KDM1A: variants seen among roughly 807,000 people sequenced by gnomAD.
The protein encoded by KDM1A is lysine-specific histone demethylase 1A.
Under a neutral mutation model 109.4 loss-of-function variants are expected in KDM1A, and 49 were observed. The ratio of observed to expected loss-of-function variants is 0.45; its 90% CI spans 0.36 to 0.57. The LOEUF is 0.57. Among genes scored for constraint, KDM1A ranks in the 20% least tolerant of loss-of-function variants. The probability of loss-of-function intolerance (pLI) is 0.00; values close to 1 mark genes in which losing one functional copy is unlikely to be tolerated. For missense variants in KDM1A, 668 were observed against 1,116.6 expected, an observed-to-expected ratio of 0.60 and a Z score of 5.73; for synonymous variants, 380 against 415.4, an observed-to-expected ratio of 0.91 and a Z score of 1.04.
At chr1:23,049,874 C>T (rs915875180) in intron 3 of KDM1A, among the ~76,000 whole-genome samples, 3 of 152,144 alleles carry the variant, frequency 2.0e-5, no homozygotes, top group Non-Finnish European at 4.4e-5. Context: ...TAATTTCTCT[C>T]ACTGCTTGCC....
chr1:23,068,887 G>T (rs1244681718), intron 11 of KDM1A, among the ~76,000 whole-genome samples, 174 bp from the exon 12 acceptor site: 1 of 152,048 alleles, frequency 6.6e-6, no homozygotes, highest in Non-Finnish European at 1.5e-5. Context: ...TGCTTTTATG[G>T]TATTATACTA....
In KDM1A at chr1:23,079,471, T is replaced by G. The variant is rs887083016; in HGVS notation, c.2056-82T>G. The G allele has an allele frequency of 3.9e-6, 4 of 1,013,022 alleles. No individual in the cohort carries two copies. The highest frequency in any genetic ancestry group is 3.0e-5 in the South Asian group (2 of 67,352). The allele number at this position is 1,013,022 out of a possible 1,614,324, so 62.8% of individuals were successfully genotyped here. A position where few individuals can be genotyped will look rare whatever the true frequency, so the allele number is the denominator to read the frequency against. On this transcript the variant is annotated intron_variant, in intron 17 of 20. Transcript: ENST00000400181. This position sits in a 1 kb window ranked among gnomAD's most constrained non-coding sequence, Gnocchi z 5.6. ...TGCTGGGCTTATTTTGAAAGCAGAT[T>G]AGAAGAGACTTTAAGGAAGTCTGTT...
rs572812747 is a variant in KDM1A, at chr1:23,022,340, T to C, written c.351+2393T>C. Among the ~76,000 whole-genome samples the C allele has an allele frequency of 5.9e-5, 9 of 151,902 alleles. No homozygotes were observed. In the East Asian group the frequency reaches 1.7e-3, roughly 29 times the overall value. The stretch of plus-strand genomic sequence containing the variant: ...TTCTTCTTCGTTTTTTTTTTTTTGT[T>C]GTTGTTGTTTTTGAGATGGGGTTTC... On this transcript the variant is annotated intron_variant, in intron 1 of 20. Coordinates refer to ENST00000400181, the MANE Select transcript of KDM1A (RefSeq NM_001009999.3).
chr1:23,019,662 G>C lies in KDM1A; in HGVS notation c.66G>C (p.Glu22Asp). ...CTGCAGCGGCAGCAACCGGGACGGA[G>C]GCTGGCCCTGGGACAGCAGGCGGCT... ...AAAAAAATGT[E>D]AGPGTAGGSE... Residue 22 changes from glutamate (E) to aspartate (D), a missense_variant, in exon 1 of 21, where the codon GAG becomes GAC. By Grantham distance (45) the Glu-to-Asp change is conservative (BLOSUM62 2). Transcript: ENST00000400181. The C allele has an allele frequency of 7.2e-7, 1 of 1,397,610 alleles. No individual in the cohort carries two copies. The highest frequency in any genetic ancestry group is 9.2e-7 in the Non-Finnish European group (1 of 1,082,736). 86.6% of individuals were successfully genotyped at this position (1,397,610 alleles called of 1,614,324 possible).
At chr1:23,065,123 T>C (rs1418386163) in intron 9 of KDM1A, among the ~76,000 whole-genome samples, 1 of 152,218 alleles carries the variant, frequency 6.6e-6, no homozygotes, top group Non-Finnish European at 1.5e-5. Flanking sequence ...TAGATTAGAA[T>C]AGTCAGGTAA....
intron 7 of KDM1A, among the ~76,000 whole-genome samples, chr1:23,057,233 A>G (rs1206190464): frequency 6.6e-6 from 1 of 152,188 alleles, no homozygotes; most frequent in Admixed American, 6.5e-5. Context: ...GTTTTATATC[A>G]CATCATTTAA....
At chr1:23,063,223 T>G (rs775432431) in intron 9 of KDM1A, among the ~76,000 whole-genome samples, 41,193 of 64,042 alleles carry the variant, frequency 0.64, 14,899 homozygotes, top group Non-Finnish European at 0.76. Flanking sequence ...GTGGGGTGGG[T>G]GTGTGTGGGT....
At chr1:23,037,129 TACAC>T (rs59175262) in intron 2 of KDM1A, among the ~76,000 whole-genome samples, 47 of 147,730 alleles carry the variant, frequency 3.2e-4, no homozygotes, top group African/African-American at 1.1e-3. Context: ...AAAATATATA[TACAC>T]ACACACACAC....
chr1:23,047,057 A>G (rs1234104028), intron 3 of KDM1A, among the ~76,000 whole-genome samples: 1 of 152,214 alleles, frequency 6.6e-6, no homozygotes, highest in East Asian at 1.9e-4. Flanking sequence ...TTTGTATTCT[A>G]AAAGATTTTT....
At chr1:23,021,575 G>T (rs921404990) in intron 1 of KDM1A, among the ~76,000 whole-genome samples, 6 of 152,214 alleles carry the variant, frequency 3.9e-5, no homozygotes, top group Admixed American at 3.3e-4. Context: ...GAGTTAGGGA[G>T]AATTGCTTGA....
At chr1:23,030,787 GTATACA>G (rs1281189116) in intron 2 of KDM1A, among the ~76,000 whole-genome samples, 153 bp downstream of exon 2, 1 of 152,082 alleles carries the variant, frequency 6.6e-6, no homozygotes, top group Non-Finnish European at 1.5e-5. Flanking sequence ...TTGTGTGTGT[GTATACA>G]TATACATGTA....
intron 2 of KDM1A, among the ~76,000 whole-genome samples, chr1:23,033,921 TGA>T (rs1414219730): frequency 6.6e-5 from 10 of 152,188 alleles, no homozygotes; most frequent in African/African-American, 2.2e-4. Context: ...GTAAAGAAGC[TGA>T]GATTGGAGAG....
At position 23,071,208 on chromosome 1, in the gene KDM1A, G is replaced by T. The variant is rs528415453; in HGVS notation, c.1414-17G>T. On this transcript the variant is annotated splice_polypyrimidine_tract_variant and intron_variant, in intron 12 of 20. Transcript: ENST00000400181. ...CATTGCTATCTGGAATGGTAAATTT[G>T]TATTTTTCCTTCTTAGATGGTAAAT... 73 of 1,587,738 alleles carry T rather than the reference G, an allele frequency of 4.6e-5. No individual in the cohort carries two copies. In the African/African-American group the frequency reaches 9.0e-4, roughly 20 times the overall value.
intron 15 of KDM1A, 103 bp downstream of exon 15, chr1:23,073,506 G>GACATCATTTACATACAGTGAAATTCACCT: frequency 1.4e-6 from 1 of 706,432 alleles, no homozygotes; most frequent in Non-Finnish European, 2.5e-6. Context: ...TTTAGTAAGA[G>GACATCATTTACATACAGTGAAATTCACCT]ACATCATTTA....
intron 1 of KDM1A, among the ~76,000 whole-genome samples, chr1:23,021,670 A>G (rs1344108137): frequency 6.6e-6 from 1 of 152,232 alleles, no homozygotes; most frequent in Admixed American, 6.5e-5. Flanking sequence ...TCTAAAAGCA[A>G]ACAAAAAAAC....
chr1:23,079,452 G>A lies in KDM1A; in HGVS notation c.2056-101G>A. 1.1e-6 allele frequency: 1 copy of A among 886,538 alleles called. No individual in the cohort carries two copies. The highest frequency in any genetic ancestry group is 1.8e-6 in the Non-Finnish European group (1 of 562,304). The allele number at this position is 886,538 out of a possible 1,614,324, so 54.9% of individuals were successfully genotyped here. A position where few individuals can be genotyped will look rare whatever the true frequency, so the allele number is the denominator to read the frequency against. On this transcript the variant is annotated intron_variant, in intron 17 of 20. Coordinates refer to ENST00000400181, the MANE Select transcript of KDM1A (RefSeq NM_001009999.3). This position sits in a 1 kb window ranked among gnomAD's most constrained non-coding sequence, Gnocchi z 5.6. ...CATCCTAAATAATAAGGATTGCTGG[G>A]CTTATTTTGAAAGCAGATTAGAAGA...
At chr1:23,039,216 T>G (rs1355550549) in intron 2 of KDM1A, among the ~76,000 whole-genome samples, 1 of 152,238 alleles carries the variant, frequency 6.6e-6, no homozygotes, top group African/African-American at 2.4e-5. Context: ...TCCCATTTTG[T>G]TTGTAGCATT....
At chr1:23,077,954 A>G (rs1365958751) in intron 16 of KDM1A, among the ~76,000 whole-genome samples, 3 of 152,208 alleles carry the variant, frequency 2.0e-5, no homozygotes, top group South Asian at 2.1e-4. Flanking sequence ...GATAGGCTCA[A>G]TGCTCATTAT....
At position 23,019,487 on chromosome 1, in the gene KDM1A, G is replaced by A; in HGVS notation, c.-110G>A. On this transcript the variant is annotated 5_prime_UTR_variant, in exon 1 of 21. Coordinates refer to ENST00000400181, the MANE Select transcript of KDM1A (RefSeq NM_001009999.3). ...GCGCTTGGCGCGTGCGTACGCGACGGCGGTTGGCGGCGCGCGGGCAGCGTG... is the reference window on the plus strand; with the variant it reads ...GCGCTTGGCGCGTGCGTACGCGACGACGGTTGGCGGCGCGCGGGCAGCGTG... The A allele has an allele frequency of 7.8e-7, 1 of 1,284,292 alleles. No individual in the cohort carries two copies. Among genetic ancestry groups the A allele is most frequent in the Non-Finnish European group, 9.8e-7 (1 of 1,015,368 alleles). 79.6% of individuals were successfully genotyped at this position (1,284,292 alleles called of 1,614,324 possible). A position where few individuals can be genotyped will look rare whatever the true frequency, so the allele number is the denominator to read the frequency against.
Sources: allele counts gnomAD v4.1 joint callset (sites outside exome capture counted in the v4.1 genomes callset), GRCh38; gene constraint gnomAD v4.1.1; non-coding constraint Gnocchi (gnomAD v3.1); transcripts MANE v1.5; gene names NCBI Gene and HGNC (gene_info 2026-07-23, HGNC 2026-07-21).